TENM3: variants seen among roughly 807,000 people sequenced by gnomAD.
The protein encoded by TENM3 is teneurin-3.
A neutral mutation model predicts 255.1 loss-of-function variants in TENM3; 63 were observed. The ratio of observed to expected loss-of-function variants is 0.25; its 90% CI spans 0.20 to 0.30. The LOEUF is 0.30. Ranked by LOEUF, TENM3 falls within the 10% of genes least tolerant of loss-of-function variation. The pLI, the probability that TENM3 is intolerant of heterozygous loss-of-function variation, is 1.00. For synonymous variants in TENM3, 1,306 were observed against 1,322.3 expected, an observed-to-expected ratio of 0.99 and a Z score of 0.27; for missense variants, 2,929 against 3,461.1, an observed-to-expected ratio of 0.85 and a Z score of 3.86.
the TENM3 span, among the ~76,000 whole-genome samples, chr4:181,546,972 C>A: frequency 2.6e-5 from 4 of 151,890 alleles, no homozygotes; most frequent in Non-Finnish European, 4.4e-5. Flanking sequence ...ATTATTTGAC[C>A]CATCCAGATT....
chr4:182,797,167 A>AG (rs992869758), intron 27 of TENM3, among the ~76,000 whole-genome samples: 8 of 152,158 alleles, frequency 5.3e-5, no homozygotes, highest in Non-Finnish European at 8.8e-5. Context: ...TGGCCGAGTG[A>AG]GGGGGCTCAC....
chr4:181,467,128 T>A, the TENM3 span, among the ~76,000 whole-genome samples: 98 of 48,350 alleles, frequency 2.0e-3, no homozygotes, highest in African/African-American at 6.2e-3. Context: ...TATATATATT[T>A]TTTTTTTTTT....
At chr4:181,944,115 T>C in the TENM3 span, among the ~76,000 whole-genome samples, 3 of 152,286 alleles carry the variant, frequency 2.0e-5, no homozygotes, top group African/African-American at 7.2e-5. Context: ...CAGTAGGATC[T>C]ATAGGGATAT....
chr4:182,709,799 C>T (rs1458369436), intron 12 of TENM3, among the ~76,000 whole-genome samples: 1 of 152,120 alleles, frequency 6.6e-6, no homozygotes, highest in Non-Finnish European at 1.5e-5. Flanking sequence ...AATGAAGAAT[C>T]GTGGTATCTT....
At chr4:182,652,174 A>G (rs750187375) in intron 5 of TENM3, among the ~76,000 whole-genome samples, 9 of 152,232 alleles carry the variant, frequency 5.9e-5, no homozygotes, top group Non-Finnish European at 1.3e-4. Context: ...GAGACCTACT[A>G]GGTATCAGGC....
At chr4:182,114,692 G>A in the TENM3 span, among the ~76,000 whole-genome samples, 2 of 152,234 alleles carry the variant, frequency 1.3e-5, no homozygotes, top group East Asian at 1.9e-4. Context: ...TTAGAGCCAG[G>A]TGGGTACTAT....
intron 4 of TENM3, among the ~76,000 whole-genome samples, chr4:182,622,496 T>G (rs929726104): frequency 3.3e-5 from 5 of 152,330 alleles, no homozygotes; most frequent in Middle Eastern, 6.8e-3. Flanking sequence ...GTCTCTCACG[T>G]AGTAGATATT....
chr4:181,923,921 G>C, the TENM3 span, among the ~76,000 whole-genome samples: 1 of 152,154 alleles, frequency 6.6e-6, no homozygotes, highest in Non-Finnish European at 1.5e-5. Context: ...TCAAACTCCT[G>C]AGTATATTAA....
intron 1 of TENM3, among the ~76,000 whole-genome samples, chr4:182,253,775 C>T (rs995351698): frequency 5.9e-5 from 9 of 152,018 alleles, no homozygotes; most frequent in African/African-American, 2.2e-4. Flanking sequence ...TTTGTTTAAA[C>T]GAAGTTCATA....
the TENM3 span, among the ~76,000 whole-genome samples, chr4:181,475,364 T>G: frequency 6.6e-6 from 1 of 152,242 alleles, no homozygotes; most frequent in Non-Finnish European, 1.5e-5. Context: ...GGGTTTTTTT[T>G]ATTGAGCAAT....
chr4:181,508,844 CA>C, the TENM3 span, among the ~76,000 whole-genome samples: 1 of 146,774 alleles, frequency 6.8e-6, no homozygotes, highest in Non-Finnish European at 1.5e-5. Context: ...TCAGTGAATC[CA>C]AAAGCACTTC....
At chr4:182,163,066 G>A (rs1374413287) in intron 1 of TENM3, among the ~76,000 whole-genome samples, 1 of 152,024 alleles carries the variant, frequency 6.6e-6, no homozygotes, top group Non-Finnish European at 1.5e-5. Context: ...TCTTCAAGAC[G>A]GCTCCATCCC....
chr4:181,600,859 G>T, the TENM3 span, among the ~76,000 whole-genome samples: 1 of 151,512 alleles, frequency 6.6e-6, no homozygotes, highest in African/African-American at 2.4e-5. Context: ...AAAAAACAAA[G>T]CTTGACTTAG....
chr4:181,731,395 C>T, the TENM3 span, among the ~76,000 whole-genome samples: 1 of 152,022 alleles, frequency 6.6e-6, no homozygotes, highest in East Asian at 1.9e-4. Flanking sequence ...ACTTTGTCAC[C>T]CGGGCTGGAG....
the TENM3 span, among the ~76,000 whole-genome samples, chr4:181,763,920 A>G: frequency 6.6e-6 from 1 of 152,210 alleles, no homozygotes; most frequent in Non-Finnish European, 1.5e-5. Context: ...CATTGGCAGA[A>G]CTGTTATAGA....
chr4:181,537,054 A>G, the TENM3 span, among the ~76,000 whole-genome samples: 1 of 152,140 alleles, frequency 6.6e-6, no homozygotes, highest in Non-Finnish European at 1.5e-5. Context: ...AAAGGTAATA[A>G]AACTTTATAT....
intron 22 of TENM3, among the ~76,000 whole-genome samples, chr4:182,767,330 C>G (rs1763802466): frequency 6.6e-6 from 1 of 152,246 alleles, no homozygotes; most frequent in Admixed American, 6.5e-5. Context: ...GAAGGACGAT[C>G]AAGGAGTGAT....
the TENM3 span, among the ~76,000 whole-genome samples, chr4:181,804,958 T>C: frequency 6.6e-6 from 1 of 152,060 alleles, no homozygotes; most frequent in Non-Finnish European, 1.5e-5. Flanking sequence ...TCTGCTGGAT[T>C]TTTGTCTCTC....
chr4:181,737,058 G>A, the TENM3 span, among the ~76,000 whole-genome samples: 1 of 152,082 alleles, frequency 6.6e-6, no homozygotes, highest in Non-Finnish European at 1.5e-5. Context: ...GGGCTGGGGA[G>A]GTGAAGTCAG....
Sources: allele counts gnomAD v4.1 joint callset (sites outside exome capture counted in the v4.1 genomes callset), GRCh38; gene constraint gnomAD v4.1.1; transcripts MANE v1.5; gene names NCBI Gene and HGNC (gene_info 2026-07-23, HGNC 2026-07-21).